Variants in TRIP12 observed in about 807,000 individuals in gnomAD.
TRIP12 encodes thyroid hormone receptor interactor 12.
Under a neutral mutation model 244.2 loss-of-function variants are expected in TRIP12, and 25 were observed. That is an observed-to-expected ratio of 0.10 (90% CI 0.07 to 0.14). The LOEUF (loss-of-function observed/expected upper bound fraction) is 0.14. Ranked by LOEUF, TRIP12 falls within the 10% of genes least tolerant of loss-of-function variation. TRIP12 has a pLI of 1.00. For missense variants in TRIP12, 1,677 were observed against 2,486.4 expected (o/e 0.67, Z 6.92); for synonymous variants, 905 against 873.1 (o/e 1.04, Z -0.64).
chr2:229,847,292 G>A (rs1005600531), intron 4 of TRIP12, among the ~76,000 whole-genome samples: 2 of 152,194 alleles, frequency 1.3e-5, no homozygotes, highest in African/African-American at 4.8e-5. Context: ...CTGTCATTCT[G>A]AAGATGAAAT....
At chr2:229,825,680 A>C (rs560614342) in intron 8 of TRIP12, among the ~76,000 whole-genome samples, 1 of 152,280 alleles carries the variant, frequency 6.6e-6, no homozygotes, top group Non-Finnish European at 1.5e-5. Context: ...CCATGATTCA[A>C]TTACCTCCCA....
chr2:229,886,395 T>C (rs1012974657), intron 1 of TRIP12, among the ~76,000 whole-genome samples: 1 of 152,064 alleles, frequency 6.6e-6, no homozygotes, highest in Non-Finnish European at 1.5e-5. Flanking sequence ...TGTTAGGCAC[T>C]GAATGCAATT....
chr2:229,823,579 C>A (rs551083042), intron 8 of TRIP12, among the ~76,000 whole-genome samples: 1 of 151,510 alleles, frequency 6.6e-6, no homozygotes, highest in Non-Finnish European at 1.5e-5. Context: ...GGGAGGTTGA[C>A]GCAGAAGAAT....
At position 229,764,848 on chromosome 2, in the gene TRIP12, AT is replaced by A. The variant is rs1015140552; in HGVS notation, c.*2705del. The A allele has an allele frequency of 5.3e-5, 8 of 152,234 alleles. No individual in the cohort carries two copies. The highest frequency in any genetic ancestry group is 1.9e-4 in the African/African-American group (8 of 41,466). The allele number at this position is 152,234 out of a possible 1,614,324, so 9.4% of individuals were successfully genotyped here. On this transcript the variant is annotated 3_prime_UTR_variant, in exon 42 of 42. Coordinates refer to ENST00000675903, the MANE Select transcript of TRIP12 (RefSeq NM_001348323.3). ...CCAGTAAAGAGGGACTCCAAGCATAATTACTTTCTTTATATCCTGCTAGTGA... is the reference window on the plus strand; with the variant it reads ...CCAGTAAAGAGGGACTCCAAGCATAATACTTTCTTTATATCCTGCTAGTGA...
In TRIP12 at chr2:229,789,468, A is replaced by G. The variant is rs1313724649; in HGVS notation, c.4695+143T>C. On this transcript the variant is annotated intron_variant, in intron 31 of 41. Transcript: ENST00000675903. Reference sequence around the variant, plus strand: ...GGGCCAGGAGAAAAAAAAGTGGGGGAGAAGTTTCCACTGATGAGTACATTG... The same window carrying G: ...GGGCCAGGAGAAAAAAAAGTGGGGGGGAAGTTTCCACTGATGAGTACATTG... 3 of 842,534 alleles carry G rather than the reference A, an allele frequency of 3.6e-6. No homozygotes were observed. In the East Asian group the frequency reaches 9.0e-5, roughly 25 times the overall value. 52.2% of individuals were successfully genotyped at this position (842,534 alleles called of 1,614,324 possible). A position where few individuals can be genotyped will look rare whatever the true frequency, so the allele number is the denominator to read the frequency against.
At chr2:229,910,864 T>C (rs749299677) in intron 1 of TRIP12, among the ~76,000 whole-genome samples, 9 of 152,196 alleles carry the variant, frequency 5.9e-5, no homozygotes, top group Non-Finnish European at 1.0e-4. Context: ...ACATTACTAA[T>C]GACAGTTGAG....
At chr2:229,870,444 C>G (rs185540775) in intron 2 of TRIP12, among the ~76,000 whole-genome samples, 6 of 152,294 alleles carry the variant, frequency 3.9e-5, no homozygotes, top group African/African-American at 9.6e-5. Context: ...GGCAGCCAGA[C>G]AGATACTGAG....
intron 6 of TRIP12, among the ~76,000 whole-genome samples, chr2:229,831,482 C>T (rs991987902): frequency 6.6e-6 from 1 of 152,102 alleles, no homozygotes; most frequent in African/African-American, 2.4e-5. Flanking sequence ...AAGACCAACC[C>T]GGGCAATATA....
At position 229,836,899 on chromosome 2, in the gene TRIP12, C is replaced by A. The variant is rs772738587; in HGVS notation, c.1219G>T (p.Ala407Ser). The A allele has an allele frequency of 1.4e-5, 22 of 1,605,600 alleles. No homozygotes were observed. Among genetic ancestry groups the A allele is most frequent in the Middle Eastern group, 1.6e-4 (1 of 6,068 alleles). Residue 407 changes from alanine (A) to serine (S), a missense_variant, in exon 6 of 42, where the codon GCA becomes TCA. Around this residue, in one of 11 missense-constraint regions of TRIP12, gnomAD observed 143 missense variants for 215.6 expected, o/e 0.66. Coordinates refer to ENST00000675903, the MANE Select transcript of TRIP12 (RefSeq NM_001348323.3). ...GTCCGAGCAGCTGAAGAATTTACTG[C>A]CTCCTGGTTGCTTTCAGGGTCTGCC... ...KMADPESNQE[A>S]VNSSAARTDE...
At chr2:229,824,618 T>TGA (rs2051005728) in intron 8 of TRIP12, among the ~76,000 whole-genome samples, 1 of 152,222 alleles carries the variant, frequency 6.6e-6, no homozygotes, top group Non-Finnish European at 1.5e-5. Flanking sequence ...GCCTATCAGT[T>TGA]GAACATGCAA....
chr2:229,869,225 C>T (rs182057256), intron 2 of TRIP12, among the ~76,000 whole-genome samples: 132 of 152,270 alleles, frequency 8.7e-4, no homozygotes, highest in Non-Finnish European at 1.6e-3. Flanking sequence ...CTTCCTTACT[C>T]CAATCATGTT....
chr2:229,777,644 C>T (rs986512139), intron 36 of TRIP12, among the ~76,000 whole-genome samples, 165 bp from the exon 37 acceptor site: 4 of 152,148 alleles, frequency 2.6e-5, no homozygotes, highest in African/African-American at 9.7e-5. Flanking sequence ...AAAATTGATT[C>T]TCTTGATTTG....
intron 21 of TRIP12, among the ~76,000 whole-genome samples, 162 bp from the exon 22 acceptor site, chr2:229,799,545 G>A (rs1416337968): frequency 6.6e-6 from 1 of 152,186 alleles, no homozygotes; most frequent in African/African-American, 2.4e-5. Flanking sequence ...GGGAGGCCGA[G>A]GCGGGCAGAT....
intron 6 of TRIP12, among the ~76,000 whole-genome samples, chr2:229,834,254 G>A (rs532929258): frequency 2.0e-5 from 3 of 152,300 alleles, no homozygotes; most frequent in African/African-American, 7.2e-5. Flanking sequence ...ACCAATTGAT[G>A]CAAAGTTAAC....
At chr2:229,783,116 C>T (rs2038817869) in intron 34 of TRIP12, among the ~76,000 whole-genome samples, 1 of 152,190 alleles carries the variant, frequency 6.6e-6, no homozygotes, top group African/African-American at 2.4e-5. Context: ...CAGCTCCAGC[C>T]CCAGGGTCTG....
At chr2:229,806,394 G>A (rs1162669023) in intron 17 of TRIP12, among the ~76,000 whole-genome samples, 1 of 152,096 alleles carries the variant, frequency 6.6e-6, no homozygotes, top group Admixed American at 6.5e-5. Flanking sequence ...CAGATTAATC[G>A]CCAAGGTTGT....
chr2:229,837,075 AG>A, intron 5 of TRIP12, 91 bp from the exon 6 acceptor site: 1 of 1,305,780 alleles, frequency 7.7e-7, no homozygotes, highest in Non-Finnish European at 9.9e-7. Context: ...TGGAGCACAA[AG>A]CCAGTTTCTT....
rs1278802256 is a variant in TRIP12 at position 229,795,252 on chromosome 2, T to C, written c.3895A>G (p.Asn1299Asp). ...PLLALVHKMN[N>D]CLSQMEQFPV... ...AATTGTTCCATCTGGCTGAGGCAGT[T>C]GTTCATCTTGTGAACTAATGCCAAC... Residue 1299 changes from asparagine (N) to aspartate (D), a missense_variant, in exon 26 of 42, where the codon AAC (asparagine) becomes GAC (aspartate). Asn to Asp is a conservative substitution (Grantham distance 23). Around this residue, in one of 11 missense-constraint regions of TRIP12, gnomAD observed 77 missense variants for 69.2 expected, o/e 1.11. Transcript: ENST00000675903. 1 of 1,613,988 alleles carries C rather than the reference T, an allele frequency of 6.2e-7. No individual in the cohort carries two copies. Among genetic ancestry groups the C allele is most frequent in the Non-Finnish European group, 8.5e-7 (1 of 1,179,992 alleles).
chr2:229,908,584 T>C (rs2073505162), intron 1 of TRIP12, among the ~76,000 whole-genome samples: 1 of 150,578 alleles, frequency 6.6e-6, no homozygotes, highest in Non-Finnish European at 1.5e-5. Context: ...TACAAAAAAT[T>C]AGCCGGGCGT....
Sources: allele counts gnomAD v4.1 joint callset (sites outside exome capture counted in the v4.1 genomes callset), GRCh38; gene constraint gnomAD v4.1.1; regional missense constraint gnomAD v4.1.1; transcripts MANE v1.5; gene names NCBI Gene and HGNC (gene_info 2026-07-23, HGNC 2026-07-21).